Variants in AHCTF1 observed in about 807,000 individuals in gnomAD.
AHCTF1 encodes protein ELYS.
In AHCTF1, 24 loss-of-function variants were observed where a neutral mutation model predicts 248.4. That is an observed-to-expected ratio of 0.10 (90% confidence interval 0.07 to 0.14). The LOEUF is 0.14. Among genes scored for constraint, AHCTF1 ranks in the 10% least tolerant of loss-of-function variants. AHCTF1 has a pLI of 1.00. For missense variants in AHCTF1, 2,206 were observed against 2,636.2 expected, an observed-to-expected ratio of 0.84 and a Z score of 3.57; for synonymous variants, 786 against 929.8, an observed-to-expected ratio of 0.85 and a Z score of 2.81.
intron 21 of AHCTF1, among the ~76,000 whole-genome samples, chr1:246,880,359 T>G (rs1663308918): frequency 6.6e-6 from 1 of 151,856 alleles, no homozygotes; most frequent in South Asian, 2.1e-4. Context: ...GGTCAGGAAT[T>G]CGAGGCCAGC....
rs774115358 is a variant in AHCTF1, at chr1:246,905,556, T to C, written c.866A>G (p.Gln289Arg). 1.1e-5 allele frequency: 17 copies of C among 1,611,868 alleles called. No homozygotes were observed. Among genetic ancestry groups the C allele is most frequent in the East Asian group, 2.2e-5 (1 of 44,882 alleles). The stretch of plus-strand genomic sequence containing the variant: ...TGAGACCTACCTATCTTGTGTAGAC[T>C]GAACAGCCCACAAGTAACAGCAATT... ...PRNCCYLWAV[Q>R]STQDSEGDVL... Residue 289 changes from glutamine (Q) to arginine (R), a missense_variant, in exon 6 of 36, where the codon CAG (glutamine) becomes CGG (arginine). By Grantham distance (43) the Gln-to-Arg change is conservative. This residue lies in a region of AHCTF1 where 650 missense variants were observed against 870.8 expected (regional missense o/e 0.75). Transcript: ENST00000648844.
At position 246,891,876 on chromosome 1, in the gene AHCTF1, T is replaced by C. The variant is rs767478107; in HGVS notation, c.1848A>G (p.Gln616=). 1.5e-4 allele frequency: 244 copies of C among 1,597,056 alleles called. No individual in the cohort carries two copies. Among genetic ancestry groups the C allele is most frequent in the Non-Finnish European group, 2.0e-4 (237 of 1,175,100 alleles). ...AGCATTGCTGGATAGACTGTATAGT[T>C]TGTGGATCCATGAAATGACACGAAC... ...FDGSCHFMDP[Q]TIQSIQQCYL... is the part of the protein sequence containing the mutation. Residue 616 remains glutamine (Q), a synonymous_variant, in exon 15 of 36, where the codon CAA becomes CAG. Coordinates refer to ENST00000648844, the MANE Select transcript of AHCTF1 (RefSeq NM_001323342.2).
intron 35 of AHCTF1, among the ~76,000 whole-genome samples, chr1:246,842,442 TGTG>T (rs1186486273): frequency 1.3e-5 from 2 of 151,518 alleles, no homozygotes; most frequent in African/African-American, 2.4e-5. Flanking sequence ...ATTAGCCAGG[TGTG>T]GTGGTGGGCA....
chr1:246,901,182 A>G (rs748270702), intron 8 of AHCTF1, among the ~76,000 whole-genome samples: 2 of 152,120 alleles, frequency 1.3e-5, no homozygotes, highest in Non-Finnish European at 2.9e-5. Context: ...TCTACAAAAA[A>G]ATACAAAAAT....
chr1:246,914,600 C>T (rs1666018081), intron 3 of AHCTF1, among the ~76,000 whole-genome samples: 1 of 152,056 alleles, frequency 6.6e-6, no homozygotes. Context: ...GTTTACATTC[C>T]TCATAAAAAT....
At chr1:246,922,881 G>A (rs1341846016) in intron 1 of AHCTF1, among the ~76,000 whole-genome samples, 3 of 150,562 alleles carry the variant, frequency 2.0e-5, no homozygotes, top group Non-Finnish European at 4.4e-5. Context: ...TACTCGGGAG[G>A]CTGAGGCAGG....
chr1:246,868,911 C>A (rs536641959), intron 24 of AHCTF1, among the ~76,000 whole-genome samples: 1 of 143,420 alleles, frequency 7.0e-6, no homozygotes, highest in Non-Finnish European at 1.5e-5. Context: ...GTGGTGTGAT[C>A]TCGGCTCACT....
chr1:246,930,680 T>C (rs908537784), intron 1 of AHCTF1, among the ~76,000 whole-genome samples: 9 of 152,118 alleles, frequency 5.9e-5, no homozygotes, highest in Non-Finnish European at 1.5e-5. Flanking sequence ...CTCAAAGTGC[T>C]GGGATTACAG....
At chr1:246,847,220 C>T (rs1450864856) in intron 33 of AHCTF1, among the ~76,000 whole-genome samples, 6 of 150,858 alleles carry the variant, frequency 4.0e-5, no homozygotes, top group African/African-American at 1.2e-4. Flanking sequence ...ACTCAGGAGG[C>T]GGAGGTTGCA....
rs769005035 is a variant in AHCTF1 at position 246,931,296 on chromosome 1, G to T, written c.-8+282C>A. On this transcript the variant is annotated intron_variant, in intron 1 of 35. Transcript: ENST00000648844. ...TAAAGGGACCCGACTGCCGGCGCAG[G>T]ACGCGAACCACCAGCGCCGCTCCGC... The T allele has an allele frequency of 1.8e-5, 28 of 1,547,712 alleles. No homozygotes were observed. The East Asian group carries it at 6.9e-4, about 38-fold the overall frequency.
chr1:246,878,705 G>A (rs1663172823), intron 21 of AHCTF1, among the ~76,000 whole-genome samples: 1 of 152,184 alleles, frequency 6.6e-6, no homozygotes, highest in East Asian at 1.9e-4. Context: ...TATACGTTCT[G>A]TGAATACAAA....
intron 1 of AHCTF1, chr1:246,931,121 C>A: frequency 6.5e-7 from 1 of 1,549,370 alleles, no homozygotes; most frequent in Non-Finnish European, 8.7e-7. Flanking sequence ...CCCGCCAGGA[C>A]TACTCACTGT....
intron 3 of AHCTF1, among the ~76,000 whole-genome samples, chr1:246,913,842 T>TA (rs1665970239): frequency 6.6e-6 from 1 of 152,254 alleles, no homozygotes; most frequent in African/African-American, 2.4e-5. Context: ...TTAAAGCTCT[T>TA]AAACAGCTAC....
At chr1:246,883,915 T>C (rs1028982870) in intron 21 of AHCTF1, among the ~76,000 whole-genome samples, 1 of 152,174 alleles carries the variant, frequency 6.6e-6, no homozygotes, top group South Asian at 2.1e-4. Flanking sequence ...ATGCTCTGGA[T>C]GAATTAAAGA....
chr1:246,868,968 C>G (rs1259458679), intron 24 of AHCTF1, among the ~76,000 whole-genome samples: 2 of 150,344 alleles, frequency 1.3e-5, no homozygotes, highest in South Asian at 4.2e-4. Context: ...CCTCAGCCTG[C>G]TGAGTAGCTG....
At chr1:246,904,364 T>G (rs1316807673) in intron 6 of AHCTF1, among the ~76,000 whole-genome samples, 1 of 152,242 alleles carries the variant, frequency 6.6e-6, no homozygotes, top group East Asian at 1.9e-4. Flanking sequence ...CCTAAAGTTC[T>G]ATAACATCTC....
At chr1:246,928,659 C>T (rs1667120134) in intron 1 of AHCTF1, among the ~76,000 whole-genome samples, 1 of 152,204 alleles carries the variant, frequency 6.6e-6, no homozygotes, top group South Asian at 2.1e-4. Flanking sequence ...AATCAGTTTT[C>T]TGTGTGAAAT....
Position 246,924,850 on chromosome 1 carries a change from A to C in AHCTF1, c.-7-6473T>G, listed in dbSNP as rs78575465. Among the ~76,000 whole-genome samples the C allele has an allele frequency of 8.4e-3, 1,049 of 124,804 alleles. 11 individuals are homozygous for C. The highest frequency in any genetic ancestry group is 0.033 in the African/African-American group (995 of 30,096). The allele number at this position is 124,804 out of a possible 152,430, so 81.9% of individuals were successfully genotyped here. On this transcript the variant is annotated intron_variant, in intron 1 of 35. Coordinates refer to ENST00000648844, the MANE Select transcript of AHCTF1 (RefSeq NM_001323342.2). The stretch of plus-strand genomic sequence containing the variant: ...TTTTATTATCCAAAACAGATCCAAA[A>C]GTCTAACCTAATATAAAGGTGTGCA...
At chr1:246,924,874 C>T (rs1234416634) in intron 1 of AHCTF1, among the ~76,000 whole-genome samples, 5 of 150,166 alleles carry the variant, frequency 3.3e-5, no homozygotes, top group African/African-American at 1.2e-4. Flanking sequence ...TAAAGGTGTG[C>T]ATCAATAGGA....
Sources: allele counts gnomAD v4.1 joint callset (sites outside exome capture counted in the v4.1 genomes callset), GRCh38; gene constraint gnomAD v4.1.1; regional missense constraint gnomAD v4.1.1; transcripts MANE v1.5; gene names NCBI Gene and HGNC (gene_info 2026-07-23, HGNC 2026-07-21).